Variants in ETNK1 observed in about 807,000 individuals in gnomAD.
ETNK1 encodes the protein ethanolamine kinase 1.
In ETNK1, 8 loss-of-function variants were observed where a neutral mutation model predicts 45.1. The observed-to-expected ratio is 0.18, with a 90% CI of 0.10 to 0.32. The LOEUF (loss-of-function observed/expected upper bound fraction) is 0.32. Among genes scored for constraint, ETNK1 ranks in the 10% least tolerant of loss-of-function variants. The pLI, the probability that ETNK1 is intolerant of heterozygous loss-of-function variation, is 1.00. For missense variants in ETNK1, 302 were observed against 430.6 expected (o/e 0.70, Z 2.64); for synonymous variants, 152 against 151.9 (o/e 1.00, Z -0.01).
At chr12:22,679,103 A>C (rs1172180116) in intron 6 of ETNK1, among the ~76,000 whole-genome samples, 1 of 152,208 alleles carries the variant, frequency 6.6e-6, no homozygotes, top group African/African-American at 2.4e-5. Context: ...GAATTGGCTC[A>C]CCTGATCACA....
At chr12:22,659,885 C>T (rs751767820) in intron 3 of ETNK1, among the ~76,000 whole-genome samples, 1 of 151,660 alleles carries the variant, frequency 6.6e-6, no homozygotes, top group East Asian at 1.9e-4. Context: ...GGAAGAAAAC[C>T]CTTGCCCCAA....
rs1465173352 is a variant in ETNK1, at chr12:22,647,000, T to G, written c.416+2978T>G. 2.0e-5 allele frequency among the ~76,000 whole-genome samples: 3 copies of G among 151,936 alleles called. No individual in the cohort carries two copies. In the East Asian group the frequency reaches 5.8e-4, roughly 29 times the overall value. On this transcript the variant is annotated intron_variant, in intron 2 of 7. Transcript: ENST00000266517. ...CTGTGATCACATTTGAACTGAACTT[T>G]GAAGGACAAGGTAGCCTGTAGGAGG...
intron 1 of ETNK1, among the ~76,000 whole-genome samples, chr12:22,630,265 A>G (rs142614408): frequency 2.0e-5 from 3 of 152,306 alleles, no homozygotes; most frequent in Admixed American, 6.5e-5. Flanking sequence ...TCCACCTCTC[A>G]TTTCCAATTC....
At chr12:22,633,714 G>C (rs956129663) in intron 1 of ETNK1, among the ~76,000 whole-genome samples, 1 of 152,072 alleles carries the variant, frequency 6.6e-6, no homozygotes. Context: ...AGTTTTCACT[G>C]TGGAGATCTC....
At chr12:22,625,748 G>A in intron 1 of ETNK1, 162 bp downstream of exon 1, 1 of 1,064,476 alleles carries the variant, frequency 9.4e-7, no homozygotes. Context: ...CACCTAGGAG[G>A]GTCACTCCCC....
intron 1 of ETNK1, among the ~76,000 whole-genome samples, chr12:22,633,029 C>G (rs7979446): frequency 9.9e-5 from 15 of 152,124 alleles, no homozygotes; most frequent in Non-Finnish European, 1.3e-4. Context: ...TTGGCTATCA[C>G]AAATTATGCT....
chr12:22,651,661 T>C (rs1953877176), intron 2 of ETNK1, among the ~76,000 whole-genome samples: 1 of 151,180 alleles, frequency 6.6e-6, no homozygotes, highest in Non-Finnish European at 1.5e-5. Context: ...TTTTTTATAA[T>C]GTAAAACTAC....
At chr12:22,677,804 T>C (rs1204273623) in intron 6 of ETNK1, among the ~76,000 whole-genome samples, 1 of 152,218 alleles carries the variant, frequency 6.6e-6, no homozygotes, top group Admixed American at 6.5e-5. Flanking sequence ...GATTTGGCTC[T>C]CTGTTTGTCT....
At chr12:22,662,279 A>C (rs1592130602) in intron 4 of ETNK1, among the ~76,000 whole-genome samples, 1 of 127,710 alleles carries the variant, frequency 7.8e-6, no homozygotes, top group African/African-American at 3.0e-5. Context: ...GAAGAGATAG[A>C]GTTTCACCAT....
At chr12:22,645,390 T>C (rs1020170675) in intron 2 of ETNK1, among the ~76,000 whole-genome samples, 4 of 151,740 alleles carry the variant, frequency 2.6e-5, no homozygotes, top group African/African-American at 9.7e-5. Flanking sequence ...GTAAAATAAT[T>C]ATAGTTTTTG....
intron 1 of ETNK1, among the ~76,000 whole-genome samples, chr12:22,627,511 T>C (rs1953518174): frequency 6.6e-6 from 1 of 152,174 alleles, no homozygotes; most frequent in African/African-American, 2.4e-5. Context: ...TTGATGATTA[T>C]TCACCTTTCA....
intron 2 of ETNK1, among the ~76,000 whole-genome samples, chr12:22,652,027 C>T (rs1269754535): frequency 6.6e-6 from 1 of 152,104 alleles, no homozygotes; most frequent in Non-Finnish European, 1.5e-5. Flanking sequence ...TTCCTTCCTC[C>T]AGCCCCTGGC....
At chr12:22,678,739 T>C (rs1281745439) in intron 6 of ETNK1, among the ~76,000 whole-genome samples, 2 of 152,216 alleles carry the variant, frequency 1.3e-5, no homozygotes, top group Non-Finnish European at 2.9e-5. Context: ...GAGAGATCCA[T>C]GAAGACACTT....
chr12:22,690,288 T>G lies in ETNK1; in HGVS notation c.*5334T>G, dbSNP rs999417904. On this transcript the variant is annotated 3_prime_UTR_variant, in exon 8 of 8. Transcript: ENST00000266517. Reference sequence around the variant, plus strand: ...GCCTCAGAAAATATCTGTCTGAGAATTTGTTAATCTGTTTGATAATGAAGA... The same window carrying G: ...GCCTCAGAAAATATCTGTCTGAGAAGTTGTTAATCTGTTTGATAATGAAGA... 2 of 152,528 alleles carry G rather than the reference T, an allele frequency of 1.3e-5. No individual in the cohort carries two copies. The highest frequency in any genetic ancestry group is 2.9e-5 in the Non-Finnish European group (2 of 67,936). 9.4% of individuals were successfully genotyped at this position (152,528 alleles called of 1,614,324 possible).
At chr12:22,632,632 T>C (rs1953595309) in intron 1 of ETNK1, among the ~76,000 whole-genome samples, 1 of 152,010 alleles carries the variant, frequency 6.6e-6, no homozygotes. Context: ...TACATCAGCG[T>C]CCAGAGTACC....
At chr12:22,658,954 A>C in intron 2 of ETNK1, 60 bp from the exon 3 acceptor site, 2 of 1,520,194 alleles carry the variant, frequency 1.3e-6, no homozygotes, top group African/African-American at 1.4e-5. Context: ...AATCTTTGTC[A>C]GGAGACATGA....
intron 1 of ETNK1, among the ~76,000 whole-genome samples, chr12:22,636,764 A>G (rs1953661239): frequency 6.6e-6 from 1 of 152,248 alleles, no homozygotes; most frequent in Non-Finnish European, 1.5e-5. Context: ...AACTATTTAC[A>G]TAACATCTAC....
chr12:22,633,364 C>T (rs1953606207), intron 1 of ETNK1, among the ~76,000 whole-genome samples: 1 of 152,172 alleles, frequency 6.6e-6, no homozygotes, highest in Non-Finnish European at 1.5e-5. Context: ...CCACCGCACC[C>T]GGCCTGTTCT....
chr12:22,650,522 A>T (rs999754356), intron 2 of ETNK1, among the ~76,000 whole-genome samples: 9 of 151,982 alleles, frequency 5.9e-5, no homozygotes, highest in African/African-American at 2.2e-4. Flanking sequence ...TTTTCTGCAC[A>T]TGTCGATAGG....
Sources: gnomAD v4.1 joint callset for allele counts (sites outside exome capture counted in the v4.1 genomes callset) on GRCh38, gnomAD v4.1.1 for gene constraint, MANE v1.5 for transcripts, NCBI Gene and HGNC (gene_info 2026-07-23, HGNC 2026-07-21) for gene names.